Variants in ZNRF3 observed in about 807,000 individuals in gnomAD.
ZNRF3 encodes E3 ubiquitin-protein ligase ZNRF3.
Under a neutral mutation model 72.5 loss-of-function variants are expected in ZNRF3, and 23 were observed. That is an observed-to-expected ratio of 0.32 (90% confidence interval 0.23 to 0.45). The LOEUF is 0.45. ZNRF3 is among the 20% of genes least tolerant of loss of function. The pLI, the probability that ZNRF3 is intolerant of heterozygous loss-of-function variation, is 1.00. For missense variants in ZNRF3, 1,169 were observed against 1,272.1 expected (o/e 0.92, Z 1.23); for synonymous variants, 610 against 545.3 (o/e 1.12, Z -1.65).
At chr22:28,918,533 TGTGC>T (rs781642307) in intron 1 of ZNRF3, among the ~76,000 whole-genome samples, 2 of 25,278 alleles carry the variant, frequency 7.9e-5, no homozygotes, top group African/African-American at 2.2e-4. Context: ...TATCTGCATG[TGTGC>T]GTGTGTGTGT....
chr22:28,943,292 A>G (rs1432914250), intron 1 of ZNRF3, among the ~76,000 whole-genome samples: 1 of 150,830 alleles, frequency 6.6e-6, no homozygotes, highest in African/African-American at 2.4e-5. Context: ...CAGCTGCTGG[A>G]CTTTGATGGG....
Position 28,883,791 on chromosome 22 carries a change from C to A in ZNRF3, c.25C>A (p.Pro9Thr). ...CATGAGGCCGCGCTCGGGCGGGCGC[C>A]CAGGGGCCACGGGCCGCCGCCGCCG... is the stretch of plus-strand genomic sequence containing the variant. The part of the protein sequence containing the change: MRPRSGGR[P>T]GATGRRRRRL... The change falls in exon 1 of 9, where the codon CCA becomes ACA. Residue 9 changes from proline to threonine, a missense_variant. Physicochemically the swap from Pro to Thr is conservative, Grantham distance 38. This residue lies in a region of ZNRF3 where 386 missense variants were observed against 540.7 expected (regional missense o/e 0.71). Transcript: ENST00000544604. This position sits in a 1 kb window ranked among gnomAD's most constrained non-coding sequence, Gnocchi z 5.5. 1 of 979,124 alleles carries A rather than the reference C, an allele frequency of 1.0e-6. No homozygotes were observed. The highest frequency in any genetic ancestry group is 1.2e-6 in the Non-Finnish European group (1 of 827,466). The allele number at this position is 979,124 out of a possible 1,614,324, so 60.7% of individuals were successfully genotyped here.
chr22:28,906,433 C>T (rs913012244), intron 1 of ZNRF3, among the ~76,000 whole-genome samples: 1 of 152,216 alleles, frequency 6.6e-6, no homozygotes, highest in Non-Finnish European at 1.5e-5. Context: ...GAGAGTACAT[C>T]CCTGAGACCA....
intron 1 of ZNRF3, among the ~76,000 whole-genome samples, chr22:28,967,365 G>A (rs2035488401): frequency 6.6e-6 from 1 of 152,104 alleles, no homozygotes; most frequent in South Asian, 2.1e-4. Flanking sequence ...TTGCATCCAG[G>A]TTTGTGTCAC....
chr22:28,923,689 A>G (rs191734641), intron 1 of ZNRF3, among the ~76,000 whole-genome samples: 49 of 152,316 alleles, frequency 3.2e-4, no homozygotes, highest in Middle Eastern at 6.8e-3. Context: ...AGCCAGCCAT[A>G]TCATTTCCCT....
At chr22:28,983,275 G>T (rs1248991782) in intron 1 of ZNRF3, among the ~76,000 whole-genome samples, 3 of 152,330 alleles carry the variant, frequency 2.0e-5, no homozygotes, top group Middle Eastern at 3.4e-3. Context: ...TAGGAGGGGA[G>T]AGAGCCTGGC....
chr22:29,042,078 T>C (rs2036972866), intron 2 of ZNRF3, among the ~76,000 whole-genome samples: 1 of 152,198 alleles, frequency 6.6e-6, no homozygotes, highest in Non-Finnish European at 1.5e-5. Flanking sequence ...TCATCTGACC[T>C]CATGATTACC....
chr22:28,958,294 G>A (rs1380227262), intron 1 of ZNRF3, among the ~76,000 whole-genome samples: 1 of 152,220 alleles, frequency 6.6e-6, no homozygotes, highest in Non-Finnish European at 1.5e-5. Context: ...TAACCACTTG[G>A]TCTATCAACA....
At chr22:28,899,940 T>G (rs2034073262) in intron 1 of ZNRF3, among the ~76,000 whole-genome samples, 1 of 152,184 alleles carries the variant, frequency 6.6e-6, no homozygotes, top group Non-Finnish European at 1.5e-5. Context: ...ATAGTTAGTT[T>G]ACTTTTGCAA....
intron 2 of ZNRF3, among the ~76,000 whole-genome samples, chr22:29,038,354 T>A (rs1052769066): frequency 2.0e-5 from 3 of 151,594 alleles, no homozygotes; most frequent in East Asian, 1.9e-4. Flanking sequence ...TTTTTTTTTT[T>A]AAGACAGGGT....
intron 2 of ZNRF3, among the ~76,000 whole-genome samples, chr22:29,009,451 T>C (rs1365141076): frequency 1.3e-5 from 2 of 151,868 alleles, no homozygotes; most frequent in African/African-American, 4.8e-5. Context: ...AAAAAATAAA[T>C]TCAAAAAAAG....
intron 1 of ZNRF3, among the ~76,000 whole-genome samples, chr22:28,938,663 G>A (rs955486037): frequency 9.9e-5 from 15 of 152,156 alleles, no homozygotes; most frequent in African/African-American, 3.6e-4. Flanking sequence ...TTGGTTTATG[G>A]AGTCTTCCTG....
At chr22:28,976,927 G>A (rs1291099427) in intron 1 of ZNRF3, among the ~76,000 whole-genome samples, 1 of 152,118 alleles carries the variant, frequency 6.6e-6, no homozygotes, top group Non-Finnish European at 1.5e-5. Flanking sequence ...GTAAAGTCAG[G>A]CGTGAGATAT....
chr22:29,039,070 G>A (rs993977519), intron 2 of ZNRF3, among the ~76,000 whole-genome samples: 37 of 152,190 alleles, frequency 2.4e-4, no homozygotes, highest in African/African-American at 8.9e-4. Flanking sequence ...ACAACCAGCT[G>A]CCTTATTACT....
chr22:28,972,596 T>C (rs1296848384), intron 1 of ZNRF3, among the ~76,000 whole-genome samples: 2 of 152,218 alleles, frequency 1.3e-5, no homozygotes, highest in African/African-American at 4.8e-5. Context: ...TTCTGGGCCA[T>C]GTTTTCTTTT....
chr22:29,049,255 G>A lies in ZNRF3; in HGVS notation c.1074G>A (p.Arg358=), dbSNP rs767570112. 6.2e-7 allele frequency: 1 copy of A among 1,613,524 alleles called. No individual in the cohort carries two copies. Among genetic ancestry groups the A allele is most frequent in the Non-Finnish European group, 8.5e-7 (1 of 1,179,720 alleles). ...CVETSNLSRG[R]QQRVTLPVHY... ...AGACCAGCAACCTCTCACGTGGTCG[G>A]CAGCAGAGGGTGACCCTGCCGGTGC... Residue 358 remains arginine, a synonymous_variant, in exon 8 of 9, where the codon CGG becomes CGA. Coordinates refer to ENST00000544604, the MANE Select transcript of ZNRF3 (RefSeq NM_001206998.2). The surrounding 1 kb of genome is among the most constrained non-coding windows in gnomAD (Gnocchi z 5.2).
chr22:28,986,308 G>A (rs1160331889), intron 1 of ZNRF3, among the ~76,000 whole-genome samples: 1 of 152,192 alleles, frequency 6.6e-6, no homozygotes, highest in Admixed American at 6.5e-5. Flanking sequence ...ACAGTGCTAG[G>A]CTTATCAGCT....
intron 1 of ZNRF3, among the ~76,000 whole-genome samples, chr22:28,972,779 C>G (rs1457604824): frequency 1.3e-5 from 2 of 152,164 alleles, no homozygotes; most frequent in African/African-American, 4.8e-5. Context: ...CTTGGTATGA[C>G]ATGATGTCTC....
chr22:28,943,101 T>C (rs2034977606), intron 1 of ZNRF3, among the ~76,000 whole-genome samples: 1 of 152,246 alleles, frequency 6.6e-6, no homozygotes, highest in Non-Finnish European at 1.5e-5. Context: ...TTCCCCCTTG[T>C]TGAACAGTGC....
Sources: allele counts gnomAD v4.1 joint callset (sites outside exome capture counted in the v4.1 genomes callset), GRCh38; gene constraint gnomAD v4.1.1; regional missense constraint gnomAD v4.1.1; non-coding constraint Gnocchi (gnomAD v3.1); transcripts MANE v1.5; gene names NCBI Gene and HGNC (gene_info 2026-07-23, HGNC 2026-07-21).